Variants in RACK1 observed in about 807,000 individuals in gnomAD.
The protein encoded by RACK1 is small ribosomal subunit protein RACK1.
Under a neutral mutation model 42.2 loss-of-function variants are expected in RACK1, and 3 were observed. The observed-to-expected ratio is 0.07, with a 90% CI of 0.03 to 0.18. The LOEUF is 0.18. Ranked by LOEUF, RACK1 falls within the 10% of genes least tolerant of loss-of-function variation. The probability of loss-of-function intolerance (pLI) is 1.00; values close to 1 mark genes in which losing one functional copy is unlikely to be tolerated. For synonymous variants in RACK1, 181 were observed against 154.8 expected (o/e 1.17, Z -1.25); for missense variants, 146 against 403.2 (o/e 0.36, Z 5.46).
chr5:181,241,862 G>C (rs1759359393), intron 2 of RACK1: 1 of 770,138 alleles, frequency 1.3e-6, no homozygotes, highest in East Asian at 2.4e-5. Flanking sequence ...TTGGGGATTG[G>C]CTGACAATGC....
Position 181,236,992 on chromosome 5 carries a change from G to C in RACK1, c.939C>G (p.Thr313=). The C allele has an allele frequency of 6.2e-7, 1 of 1,613,626 alleles. No individual in the cohort carries two copies. ...TDNLVRVWQV[T]IGTR is the part of the protein sequence containing the mutation. Reference sequence around the variant, plus strand: ...CCATAAACTTCTAGCGTGTGCCAATGGTCACCTGCCACACTCGCACCAGGT... The same window carrying C: ...CCATAAACTTCTAGCGTGTGCCAATCGTCACCTGCCACACTCGCACCAGGT... Residue 313 remains threonine (T), a synonymous_variant, in exon 8 of 8, where the codon ACC becomes ACG. Coordinates refer to ENST00000512805, the MANE Select transcript of RACK1 (RefSeq NM_006098.5).
chr5:181,238,808 A>C (rs1179047029), intron 5 of RACK1: 11 of 453,984 alleles, frequency 2.4e-5, no homozygotes, highest in Admixed American at 1.0e-4. Context: ...CAAAAAAAAA[A>C]CAAAAAACAA....
rs763974107 is a variant in RACK1 at position 181,236,997 on chromosome 5, C to T, written c.934G>A (p.Val312Met). The T allele has an allele frequency of 6.2e-7, 1 of 1,613,860 alleles. No individual in the cohort carries two copies. The highest frequency in any genetic ancestry group is 8.5e-7 in the Non-Finnish European group (1 of 1,179,944). The change falls in exon 8 of 8, where the codon GTG becomes ATG. Residue 312 changes from valine to methionine, a missense_variant. Physicochemically the swap from Val to Met is conservative, Grantham distance 21. Transcript: ENST00000512805. The part of the protein sequence containing the change: ...YTDNLVRVWQ[V>M]TIGTR ...AACTTCTAGCGTGTGCCAATGGTCA[C>T]CTGCCACACTCGCACCAGGTTGTCC...
At chr5:181,237,171 G>A (rs575277437) in intron 7 of RACK1, 129 bp from the exon 8 acceptor site, 39 of 1,518,434 alleles carry the variant, frequency 2.6e-5, no homozygotes, top group Admixed American at 1.8e-4. Flanking sequence ...GTGCAGGGGT[G>A]CGATCCTGGC....
Position 181,239,049 on chromosome 5 carries a change from C to A in RACK1, c.636+18G>T. On this transcript the variant is annotated intron_variant, in intron 5 of 7. Coordinates refer to ENST00000512805, the MANE Select transcript of RACK1 (RefSeq NM_006098.5). ...ACGCTGTCTTCCACTGAGTAGGAGACGCCTTGTCCCCAAATACCTTGCCTC... is the reference window on the plus strand; with the variant it reads ...ACGCTGTCTTCCACTGAGTAGGAGAAGCCTTGTCCCCAAATACCTTGCCTC... 1 of 1,513,732 alleles carries A rather than the reference C, an allele frequency of 6.6e-7. No individual in the cohort carries two copies. The highest frequency in any genetic ancestry group is 9.2e-7 in the Non-Finnish European group (1 of 1,088,492). 93.8% of individuals were successfully genotyped at this position (1,513,732 alleles called of 1,614,324 possible).
chr5:181,241,786 T>G (rs976945328), intron 2 of RACK1, 147 bp from the exon 3 acceptor site: 10 of 887,022 alleles, frequency 1.1e-5, no homozygotes, highest in Non-Finnish European at 1.9e-5. Context: ...TGACTGAGTA[T>G]ATGAAAGAGA....
rs1759268094 is a variant in RACK1, at chr5:181,239,704, C to A, written c.430-122G>T. The A allele has an allele frequency of 4.7e-6, 3 of 631,946 alleles. No homozygotes were observed. In the East Asian group the frequency reaches 7.9e-5, roughly 17 times the overall value. The allele number at this position is 631,946 out of a possible 1,614,324, so 39.1% of individuals were successfully genotyped here. A position where few individuals can be genotyped will look rare whatever the true frequency, so the allele number is the denominator to read the frequency against. On this transcript the variant is annotated intron_variant, in intron 3 of 7. Transcript: ENST00000512805. ...ACCTTTCAAAAACCAAGAACCCAAA[C>A]CTTTAAGCTCAATAGAATCCCTTTA...
chr5:181,242,888 G>A (rs1759404393), intron 1 of RACK1: 1 of 329,970 alleles, frequency 3.0e-6, no homozygotes, highest in Non-Finnish European at 5.9e-6. Context: ...TTAGGTGCCA[G>A]AAATACAGAC....
intron 1 of RACK1, chr5:181,242,865 C>T: frequency 1.2e-5 from 4 of 330,536 alleles, no homozygotes; most frequent in South Asian, 9.3e-5. Flanking sequence ...AGCCTGTATC[C>T]TGAGAACTTA....
chr5:181,238,812 A>C lies in RACK1; in HGVS notation c.636+255T>G, dbSNP rs993437035. On this transcript the variant is annotated intron_variant, in intron 5 of 7. Coordinates refer to ENST00000512805, the MANE Select transcript of RACK1 (RefSeq NM_006098.5). Reference sequence around the variant, plus strand: ...AGACTCCGTCTCAAAAAAAAAACAAAAAACAAACAAACAAAAAAACAACAA... The same window carrying C: ...AGACTCCGTCTCAAAAAAAAAACAACAAACAAACAAACAAAAAAACAACAA... 3.8e-3 allele frequency: 1,804 copies of C among 471,656 alleles called. 2 individuals carry two copies. The highest frequency in any genetic ancestry group is 5.4e-3 in the Non-Finnish European group (1,392 of 258,742). The allele number at this position is 471,656 out of a possible 1,614,324, so 29.2% of individuals were successfully genotyped here.
In RACK1 at chr5:181,241,935, CATGTTCAAACTGCTGCCCA is replaced by C. The variant is rs779492320; in HGVS notation, c.281+220_281+238del. 3.9e-6 allele frequency: 3 copies of C among 767,320 alleles called. No homozygotes were observed. The East Asian group carries it at 7.3e-5, about 19-fold the overall frequency. 47.5% of individuals were successfully genotyped at this position (767,320 alleles called of 1,614,324 possible). A position where few individuals can be genotyped will look rare whatever the true frequency, so the allele number is the denominator to read the frequency against. ...AATTACCTGAGCTTTCAAGGTAAAA[CATGTTCAAACTGCTGCCCA>C]CTCAGAACTTTTGCACCTGGCAAAA... On this transcript the variant is annotated intron_variant, in intron 2 of 7. Coordinates refer to ENST00000512805, the MANE Select transcript of RACK1 (RefSeq NM_006098.5).
intron 2 of RACK1, 123 bp downstream of exon 2, chr5:181,242,051 G>C: frequency 1.2e-6 from 1 of 863,368 alleles, no homozygotes. Context: ...TCTTCTGTAG[G>C]TGTGCTCTGC....
intron 3 of RACK1, among the ~76,000 whole-genome samples, chr5:181,239,975 G>A (rs1463816595): frequency 6.6e-6 from 1 of 152,164 alleles, no homozygotes; most frequent in Non-Finnish European, 1.5e-5. Flanking sequence ...AACCCAGGAA[G>A]CGAAGGGTGC....
chr5:181,241,685 A>T (rs745559475), intron 2 of RACK1, 46 bp from the exon 3 acceptor site: 2 of 1,597,950 alleles, frequency 1.3e-6, no homozygotes, highest in Non-Finnish European at 1.7e-6. Context: ...AAACACTCTC[A>T]TTCAACGGTC....
intron 1 of RACK1, 126 bp downstream of exon 1, chr5:181,243,565 GA>G (rs1350963353): frequency 7.1e-7 from 1 of 1,414,212 alleles, no homozygotes; most frequent in African/African-American, 1.4e-5. Context: ...ATGGGGCAGA[GA>G]AGTCTGTCAG....
intron 5 of RACK1, 152 bp from the exon 6 acceptor site, chr5:181,238,391 T>C: frequency 1.4e-6 from 1 of 724,050 alleles, no homozygotes; most frequent in Non-Finnish European, 2.3e-6. Flanking sequence ...TATTTATCTC[T>C]GTATACCTTT....
At position 181,242,570 on chromosome 5, in the gene RACK1, TTTC is replaced by T. The variant is rs1351766513; in HGVS notation, c.110-228_110-226del. On this transcript the variant is annotated intron_variant, in intron 1 of 7. Transcript: ENST00000512805. ...AAACTGTACCCTGATAACTTTTTTT[TTTC>T]TTGAGATGGAGTCTCGCTCTGTCGC... 4.9e-6 allele frequency: 3 copies of T among 614,938 alleles called. No individual in the cohort carries two copies. The East Asian group carries it at 1.0e-4, about 21-fold the overall frequency. 38.1% of individuals were successfully genotyped at this position (614,938 alleles called of 1,614,324 possible).
chr5:181,236,963 T>G lies in RACK1; in HGVS notation c.*14A>C. 1.3e-6 allele frequency: 2 copies of G among 1,585,586 alleles called. No homozygotes were observed. Among genetic ancestry groups the G allele is most frequent in the Non-Finnish European group, 1.7e-6 (2 of 1,170,760 alleles). On this transcript the variant is annotated 3_prime_UTR_variant, in exon 8 of 8. Coordinates refer to ENST00000512805, the MANE Select transcript of RACK1 (RefSeq NM_006098.5). The stretch of plus-strand genomic sequence containing the variant: ...CCAGTTTTTTTTTTATTTGTAAAGC[T>G]CTGCCATAAACTTCTAGCGTGTGCC...
intron 7 of RACK1, chr5:181,237,304 T>A: frequency 1.4e-6 from 1 of 728,126 alleles, no homozygotes; most frequent in Non-Finnish European, 2.4e-6. Flanking sequence ...AGCTTGTAAG[T>A]GGTGGTTATG....
Sources: gnomAD v4.1 joint callset for allele counts (sites outside exome capture counted in the v4.1 genomes callset) on GRCh38, gnomAD v4.1.1 for gene constraint, MANE v1.5 for transcripts, NCBI Gene and HGNC (gene_info 2026-07-23, HGNC 2026-07-21) for gene names.